Variants in NOTCH2 observed in about 807,000 individuals in gnomAD.
The protein encoded by NOTCH2 is notch receptor 2.
In NOTCH2, 29 loss-of-function variants were observed where a neutral mutation model predicts 235.8. That is an observed-to-expected ratio of 0.12 (90% CI 0.09 to 0.17). The LOEUF (loss-of-function observed/expected upper bound fraction) is 0.17, where lower values mean the gene tolerates loss of function less well. Ranked by LOEUF, NOTCH2 falls within the 10% of genes least tolerant of loss-of-function variation. The pLI, the probability that NOTCH2 is intolerant of heterozygous loss-of-function variation, is 1.00. For synonymous variants in NOTCH2, 1,086 were observed against 1,141.5 expected (o/e 0.95, Z 0.98); for missense variants, 2,285 against 3,150.2 (o/e 0.73, Z 6.57).
At chr1:120,063,551 A>G (rs1452311925) in intron 1 of NOTCH2, among the ~76,000 whole-genome samples, 4 of 152,240 alleles carry the variant, frequency 2.6e-5, no homozygotes, top group African/African-American at 9.6e-5. Context: ...CTTTTAAGAC[A>G]AAACAACTTT....
chr1:119,926,879 CTT>C (rs1441151909), intron 23 of NOTCH2, among the ~76,000 whole-genome samples: 10 of 152,194 alleles, frequency 6.6e-5, no homozygotes, highest in African/African-American at 2.4e-4. Flanking sequence ...AGAAAAGTGA[CTT>C]AAATCCCATC....
Position 119,915,721 on chromosome 1 carries a change from C to A in NOTCH2, c.7001G>T (p.Gly2334Val). The A allele has an allele frequency of 6.2e-7, 1 of 1,607,974 alleles. No individual in the cohort carries two copies. Among genetic ancestry groups the A allele is most frequent in the African/African-American group, 1.3e-5 (1 of 74,966 alleles). ...PQSTCPPAVA[G>V]PLPTMYQIPE... ...AATCTGGTACATGGTGGGCAGGGGG[C>A]CCGCAACAGCTGGAGGGCAGGTGGA... The change falls in exon 34 of 34, where the codon GGC (glycine) becomes GTC (valine). Residue 2334 changes from glycine (G) to valine (V), a missense_variant. By Grantham distance (109) the Gly-to-Val change is moderately radical (BLOSUM62 -3). Around this residue, in one of 6 missense-constraint regions of NOTCH2, gnomAD observed 504 missense variants for 538.0 expected, o/e 0.94. Transcript: ENST00000256646.
chr1:119,915,723 C>T lies in NOTCH2; in HGVS notation c.6999G>A (p.Ala2333=), dbSNP rs760004891. 78 of 1,608,042 alleles carry T rather than the reference C, an allele frequency of 4.9e-5. No individual in the cohort carries two copies. Among genetic ancestry groups the T allele is most frequent in the East Asian group, 6.7e-5 (3 of 44,804 alleles). Residue 2333 remains alanine (A), a synonymous_variant, in exon 34 of 34, where the codon GCG becomes GCA. Transcript: ENST00000256646. ...QPQSTCPPAV[A]GPLPTMYQIP... ...TCTGGTACATGGTGGGCAGGGGGCCCGCAACAGCTGGAGGGCAGGTGGACT... is the reference window on the plus strand; with the variant it reads ...TCTGGTACATGGTGGGCAGGGGGCCTGCAACAGCTGGAGGGCAGGTGGACT...
At position 119,915,431 on chromosome 1, in the gene NOTCH2, G is replaced by A. The variant is rs759285634; in HGVS notation, c.7291C>T (p.His2431Tyr). 3.7e-6 allele frequency: 6 copies of A among 1,614,206 alleles called. No homozygotes were observed. In the South Asian group the frequency reaches 5.5e-5, roughly 15 times the overall value. Residue 2431 changes from histidine to tyrosine, a missense_variant, in exon 34 of 34, where the codon CAC becomes TAC. This residue lies in a region of NOTCH2 where 504 missense variants were observed against 538.0 expected (regional missense o/e 0.94). Coordinates refer to ENST00000256646, the MANE Select transcript of NOTCH2 (RefSeq NM_024408.4). Reference protein sequence around the residue: ...SPDQWSSSSPHSASDWSDVTT... With the variant: ...SPDQWSSSSPYSASDWSDVTT... ...ACATCTGACCAGTCAGAAGCAGAGT[G>A]GGGTGATGAACTTGACCACTGGTCA...
At chr1:119,929,850 T>A (rs1649594247) in intron 22 of NOTCH2, among the ~76,000 whole-genome samples, 1 of 152,266 alleles carries the variant, frequency 6.6e-6, no homozygotes, top group Admixed American at 6.5e-5. Context: ...ACCCAGCAAG[T>A]TCCAGTCTTG....
intron 5 of NOTCH2, among the ~76,000 whole-genome samples, chr1:119,973,835 G>T (rs1195998184): frequency 2.0e-5 from 3 of 152,118 alleles, no homozygotes; most frequent in Non-Finnish European, 4.4e-5. Context: ...GATTTACAGA[G>T]GAATACAGGA....
At chr1:119,972,039 TGAGGGAGTGATTGCAAGGAGTGAGTGAGC>T (rs1651382307) in intron 5 of NOTCH2, among the ~76,000 whole-genome samples, 1 of 149,038 alleles carries the variant, frequency 6.7e-6, no homozygotes, top group Non-Finnish European at 1.5e-5. Context: ...AGGTAGTGAG[TGAGGGAGTGATTGCAAGGAGTGAGTGAGC>T]GAGGGAGGGA....
At chr1:119,923,604 A>G in intron 26 of NOTCH2, 33 bp downstream of exon 26, 2 of 1,570,286 alleles carry the variant, frequency 1.3e-6, no homozygotes. Context: ...GCTTCATAAA[A>G]TTAGCCTTGA....
intron 1 of NOTCH2, among the ~76,000 whole-genome samples, chr1:120,041,060 AAAAAAAAAAAAAT>A (rs1654537539): frequency 8.7e-6 from 1 of 114,372 alleles, no homozygotes; most frequent in East Asian, 2.1e-4. Context: ...AAAAAAAAAA[AAAAAAAAAAAAAT>A]ATATATATAT....
At chr1:119,951,788 T>C (rs1650484542) in intron 14 of NOTCH2, among the ~76,000 whole-genome samples, 1 of 152,202 alleles carries the variant, frequency 6.6e-6, no homozygotes, top group Non-Finnish European at 1.5e-5. Flanking sequence ...AAAGAAAACA[T>C]GGTCTAGGAA....
chr1:119,949,783 A>G (rs191695174), intron 15 of NOTCH2, among the ~76,000 whole-genome samples: 1 of 152,164 alleles, frequency 6.6e-6, no homozygotes, highest in Non-Finnish European at 1.5e-5. Context: ...CACAACTTAG[A>G]GTCACTATTA....
At chr1:119,960,898 G>A (rs1317653176) in intron 11 of NOTCH2, among the ~76,000 whole-genome samples, 4 of 151,976 alleles carry the variant, frequency 2.6e-5, no homozygotes, top group Non-Finnish European at 5.9e-5. Context: ...ACTCCCAGGC[G>A]CAAGCAATCG....
In NOTCH2 at chr1:119,948,397, C is replaced by T. The variant is rs370708756; in HGVS notation, c.2752+17G>A. The T allele has an allele frequency of 1.7e-5, 27 of 1,613,816 alleles. No individual in the cohort carries two copies. In the South Asian group the frequency reaches 2.9e-4, roughly 17 times the overall value. Reference sequence around the variant, plus strand: ...TTCCTCTCCTCTGGGGGCTTAAGAGCTGACTGGCATACTCACTGGCAAGGC... The same window carrying T: ...TTCCTCTCCTCTGGGGGCTTAAGAGTTGACTGGCATACTCACTGGCAAGGC... On this transcript the variant is annotated intron_variant, in intron 17 of 33. Coordinates refer to ENST00000256646, the MANE Select transcript of NOTCH2 (RefSeq NM_024408.4).
intron 2 of NOTCH2, among the ~76,000 whole-genome samples, chr1:120,015,945 C>T (rs1403912373): frequency 3.9e-5 from 5 of 127,642 alleles, no homozygotes; most frequent in Admixed American, 2.4e-4. Flanking sequence ...TCTCAACCCC[C>T]CCTTCTCTCA....
intron 23 of NOTCH2, among the ~76,000 whole-genome samples, chr1:119,927,667 G>C (rs1375565965): frequency 6.6e-6 from 1 of 152,048 alleles, no homozygotes; most frequent in African/African-American, 2.4e-5. Flanking sequence ...AGAGAAAAAA[G>C]CCTCAGGGGC....
intron 2 of NOTCH2, among the ~76,000 whole-genome samples, chr1:120,014,995 T>A (rs1653375165): frequency 2.7e-5 from 4 of 146,652 alleles, no homozygotes. Flanking sequence ...CTTTAGCTTT[T>A]TTTTTTTTTT....
intron 2 of NOTCH2, among the ~76,000 whole-genome samples, chr1:120,025,817 A>G (rs1653816691): frequency 1.3e-5 from 1 of 78,338 alleles, no homozygotes. Flanking sequence ...ATCCTAGTGA[A>G]CTTGAGTTGT....
chr1:119,973,417 A>G (rs1651443679), intron 5 of NOTCH2, among the ~76,000 whole-genome samples: 1 of 152,180 alleles, frequency 6.6e-6, no homozygotes, highest in Non-Finnish European at 1.5e-5. Flanking sequence ...AATGCTAAAG[A>G]CTAAAAATAA....
Position 119,926,660 on chromosome 1 carries a change from T to G in NOTCH2, c.3893-49A>C, listed in dbSNP as rs1186055060. On this transcript the variant is annotated intron_variant, in intron 23 of 33. Transcript: ENST00000256646. ...GGTTTTAAAAGGCAGAAGTAGTCAC[T>G]GCAAGTTACTCAACAAACTTTGCTG... 5 of 1,466,310 alleles carry G rather than the reference T, an allele frequency of 3.4e-6. No homozygotes were observed. In the East Asian group the frequency reaches 1.2e-4, roughly 36 times the overall value. The allele number at this position is 1,466,310 out of a possible 1,614,324, so 90.8% of individuals were successfully genotyped here.
Sources: allele counts gnomAD v4.1 joint callset (sites outside exome capture counted in the v4.1 genomes callset), GRCh38; gene constraint gnomAD v4.1.1; regional missense constraint gnomAD v4.1.1; transcripts MANE v1.5; gene names NCBI Gene and HGNC (gene_info 2026-07-23, HGNC 2026-07-21).